Variants in CDHR1 observed in about 807,000 individuals in gnomAD.
The protein encoded by CDHR1 is cadherin-related family member 1.
A neutral mutation model predicts 72.1 loss-of-function variants in CDHR1; 61 were observed. That is an observed-to-expected ratio of 0.85 (90% CI 0.69 to 1.05). The LOEUF (loss-of-function observed/expected upper bound fraction) is 1.05, where lower values mean the gene tolerates loss of function less well. Among genes scored for constraint, CDHR1 ranks in the 50% least tolerant of loss-of-function variants. CDHR1 has a pLI of 0.00. For missense variants in CDHR1, 1,186 were observed against 1,115.7 expected (o/e 1.06, Z -0.90); for synonymous variants, 470 against 448.1 (o/e 1.05, Z -0.62).
chr10:84,195,624 C>T (rs763871413), intron 2 of CDHR1, 35 bp downstream of exon 2: 4 of 1,558,400 alleles, frequency 2.6e-6, no homozygotes, highest in African/African-American at 2.7e-5. Context: ...CGATAGGTCT[C>T]CCTGAGGGGT....
At chr10:84,210,854 C>T in intron 12 of CDHR1, 147 bp from the exon 13 acceptor site, 5 of 868,552 alleles carry the variant, frequency 5.8e-6, no homozygotes, top group Non-Finnish European at 9.7e-6. Context: ...AGAGGTGACC[C>T]TTACAGGAAT....
At chr10:84,199,765 C>T (rs1483487333) in intron 5 of CDHR1, among the ~76,000 whole-genome samples, 2 of 152,260 alleles carry the variant, frequency 1.3e-5, no homozygotes, top group South Asian at 2.1e-4. Flanking sequence ...GCACACATGC[C>T]CACAGGGTGT....
chr10:84,212,439 A>G, intron 15 of CDHR1, 32 bp downstream of exon 15: 3 of 1,567,556 alleles, frequency 1.9e-6, no homozygotes, highest in Middle Eastern at 1.7e-4. Context: ...GCTCCCCTAA[A>G]AGCCTGGGTC....
Position 84,213,272 on chromosome 10 carries a change from A to C in CDHR1, c.1964A>C (p.Glu655Ala), listed in dbSNP as rs988712761. The C allele has an allele frequency of 6.2e-7, 1 of 1,614,236 alleles. No homozygotes were observed. The highest frequency in any genetic ancestry group is 8.5e-7 in the Non-Finnish European group (1 of 1,180,030). ...GGAAGGGACTGCCTATGGTCCCTAGAGGTGCAGGCCAAGGACCGGGGCTCC... is the reference window on the plus strand; with the variant it reads ...GGAAGGGACTGCCTATGGTCCCTAGCGGTGCAGGCCAAGGACCGGGGCTCC... ...TPGRDCLWSL[E>A]VQAKDRGSPS... Residue 655 changes from glutamate to alanine, a missense_variant, in exon 16 of 17, where the codon GAG (glutamate) becomes GCG (alanine). Transcript: ENST00000623527.
intron 16 of CDHR1, among the ~76,000 whole-genome samples, chr10:84,213,750 A>T (rs1197097960): frequency 6.6e-6 from 1 of 151,300 alleles, no homozygotes; most frequent in Non-Finnish European, 1.5e-5. Flanking sequence ...AAGGCAAGTG[A>T]TCTCCTACCA....
chr10:84,217,801 G>A lies in CDHR1; in HGVS notation c.*3180G>A. The A allele has an allele frequency of 1.0e-6, 1 of 985,466 alleles. No homozygotes were observed. 61.0% of individuals were successfully genotyped at this position (985,466 alleles called of 1,614,324 possible). ...TGGATCCAGAGGGGAGTGGAGGACA[G>A]GGCAGATGCCACAGCATCTGTGGCC... On this transcript the variant is annotated 3_prime_UTR_variant, in exon 17 of 17. Transcript: ENST00000623527.
Position 84,201,927 on chromosome 10 carries a change from C to T in CDHR1, c.639+7C>T, listed in dbSNP as rs2132804205. On this transcript the variant is annotated splice_region_variant and intron_variant, in intron 7 of 16. Transcript: ENST00000623527. ...CATCACCGTGGTCGCCAAGGTAACACAGCAGGACAGGGGAGCATCCAGTGT... is the reference window on the plus strand; with the variant it reads ...CATCACCGTGGTCGCCAAGGTAACATAGCAGGACAGGGGAGCATCCAGTGT... 1 of 1,593,296 alleles carries T rather than the reference C, an allele frequency of 6.3e-7. No homozygotes were observed. The highest frequency in any genetic ancestry group is 8.5e-7 in the Non-Finnish European group (1 of 1,171,226).
intron 10 of CDHR1, among the ~76,000 whole-genome samples, chr10:84,207,415 T>C (rs1842245963): frequency 6.6e-6 from 1 of 151,902 alleles, no homozygotes; most frequent in Non-Finnish European, 1.5e-5. Context: ...GTGAAGAATC[T>C]GAATGAGGGG....
chr10:84,215,843 T>G lies in CDHR1; in HGVS notation c.*1222T>G. 1.0e-6 allele frequency: 1 copy of G among 985,508 alleles called. No homozygotes were observed. Among genetic ancestry groups the G allele is most frequent in the Non-Finnish European group, 1.2e-6 (1 of 830,036 alleles). 61.0% of individuals were successfully genotyped at this position (985,508 alleles called of 1,614,324 possible). ...TTGCCGTGACTCACACACCTCTACT[T>G]CTGTTCTTCCCTCACTCCATCCCCG... On this transcript the variant is annotated 3_prime_UTR_variant, in exon 17 of 17. Transcript: ENST00000623527.
chr10:84,200,537 C>G (rs1842104706), intron 5 of CDHR1, 64 bp from the exon 6 acceptor site: 1 of 1,106,904 alleles, frequency 9.0e-7, no homozygotes. Flanking sequence ...TGCCCCTATG[C>G]CTCTGTCCCC....
In CDHR1 at chr10:84,215,191, G is replaced by A. The variant is rs1842407384; in HGVS notation, c.*570G>A. On this transcript the variant is annotated 3_prime_UTR_variant, in exon 17 of 17. Transcript: ENST00000623527. ...GATGCACAGAAAACACACTGACTGT[G>A]GGACTGTGCCAGGATGCATTTGGAA... 2.0e-6 allele frequency: 2 copies of A among 1,003,784 alleles called. No homozygotes were observed. Among genetic ancestry groups the A allele is most frequent in the South Asian group, 4.3e-5 (1 of 23,342 alleles). The allele number at this position is 1,003,784 out of a possible 1,614,324, so 62.2% of individuals were successfully genotyped here.
rs765320937 is a variant in CDHR1, at chr10:84,202,990, G to A, written c.650G>A (p.Gly217Glu). The change falls in exon 8 of 17, where the codon GGG (glycine) becomes GAG (glutamate). Residue 217 changes from glycine to glutamate, a missense_variant. Coordinates refer to ENST00000623527, the MANE Select transcript of CDHR1 (RefSeq NM_033100.4). ...CCGATTCTTCTGCAGGATGGCGGTG[G>A]GAGGCTTCATGGGGCTGATGTGGTG... The part of the protein sequence containing the change: ...YITVVAKDGG[G>E]RLHGADVVFS... 6.2e-7 allele frequency: 1 copy of A among 1,614,060 alleles called. No homozygotes were observed. The highest frequency in any genetic ancestry group is 1.3e-5 in the African/African-American group (1 of 74,912).
chr10:84,201,745 C>T (rs879751360), intron 6 of CDHR1, 62 bp from the exon 7 acceptor site: 98 of 1,351,178 alleles, frequency 7.3e-5, no homozygotes, highest in Non-Finnish European at 9.2e-5. Flanking sequence ...GAAAGCAGAG[C>T]GGGCATTCCT....
At chr10:84,199,615 T>C (rs1368546746) in intron 5 of CDHR1, among the ~76,000 whole-genome samples, 1 of 152,242 alleles carries the variant, frequency 6.6e-6, no homozygotes, top group Non-Finnish European at 1.5e-5. Context: ...TACAGAATCA[T>C]TGCCTGATGT....
chr10:84,214,129 C>T lies in CDHR1; in HGVS notation c.2088C>T (p.Asp696=). 1 of 1,614,218 alleles carries T rather than the reference C, an allele frequency of 6.2e-7. No individual in the cohort carries two copies. The highest frequency in any genetic ancestry group is 8.5e-7 in the Non-Finnish European group (1 of 1,180,044). ...PMAAFLIQTK[D]NPMKAVGVLA... is the part of the protein sequence containing the mutation. ...CTGCCTTCCTGATACAGACCAAGGA[C>T]AACCCCATGAAGGCCGTGGGTGTGC... The change falls in exon 17 of 17, where the codon GAC becomes GAT. Residue 696 remains aspartate (D), a synonymous_variant. Coordinates refer to ENST00000623527, the MANE Select transcript of CDHR1 (RefSeq NM_033100.4).
At chr10:84,201,969 T>A (rs756248913) in intron 7 of CDHR1, 49 bp downstream of exon 7, 2 of 1,452,420 alleles carry the variant, frequency 1.4e-6, no homozygotes, top group East Asian at 2.4e-5. Flanking sequence ...AGCCCTTGGG[T>A]TGGAACCAAG....
chr10:84,197,351 C>A (rs898636454), intron 3 of CDHR1, among the ~76,000 whole-genome samples: 4 of 152,110 alleles, frequency 2.6e-5, no homozygotes, highest in Non-Finnish European at 4.4e-5. Flanking sequence ...CTCACCATAT[C>A]CTGGGAGCAC....
At chr10:84,199,803 T>C (rs1564657184) in intron 5 of CDHR1, among the ~76,000 whole-genome samples, 3 of 152,218 alleles carry the variant, frequency 2.0e-5, no homozygotes, top group African/African-American at 4.8e-5. Flanking sequence ...AGAAGGCACC[T>C]GTTTGCTCCC....
In CDHR1 at chr10:84,217,450, G is replaced by A. The variant is rs1185930880; in HGVS notation, c.*2829G>A. 3.0e-6 allele frequency: 3 copies of A among 984,302 alleles called. No individual in the cohort carries two copies. The highest frequency in any genetic ancestry group is 1.1e-4 in the East Asian group (1 of 8,826). The allele number at this position is 984,302 out of a possible 1,614,324, so 61.0% of individuals were successfully genotyped here. A position where few individuals can be genotyped will look rare whatever the true frequency, so the allele number is the denominator to read the frequency against. On this transcript the variant is annotated 3_prime_UTR_variant, in exon 17 of 17. Transcript: ENST00000623527. ...TAACAAAGTCCTTTACAGTTTGACA[G>A]CCCTAGGTCTGAATTCTGGTTCTGC...
Sources: allele counts gnomAD v4.1 joint callset (sites outside exome capture counted in the v4.1 genomes callset), GRCh38; gene constraint gnomAD v4.1.1; transcripts MANE v1.5; gene names NCBI Gene and HGNC (gene_info 2026-07-23, HGNC 2026-07-21).